Variants in DNAH11 observed in about 807,000 individuals in gnomAD.
DNAH11 encodes axonemal beta dynein heavy chain 11.
DNAH11 carries 442 observed loss-of-function variants against 526.0 expected under a neutral mutation model. The ratio of observed to expected loss-of-function variants is 0.84; its 90% CI spans 0.78 to 0.91. The LOEUF is 0.91. Among genes scored for constraint, DNAH11 ranks in the 40% least tolerant of loss-of-function variants. DNAH11 has a pLI of 0.00. For synonymous variants in DNAH11, 2,461 were observed against 1,935.9 expected (o/e 1.27, Z -7.12); for missense variants, 6,989 against 5,448.7 (o/e 1.28, Z -8.90).
At chr7:21,552,139 C>G (rs529711852) in intron 2 of DNAH11, among the ~76,000 whole-genome samples, 1 of 152,102 alleles carries the variant, frequency 6.6e-6, no homozygotes, top group Non-Finnish European at 1.5e-5. Context: ...CCCCAAGGGC[C>G]GCGCCCTGGT....
intron 66 of DNAH11, among the ~76,000 whole-genome samples, chr7:21,849,897 C>A (rs1782557052): frequency 6.6e-6 from 1 of 151,408 alleles, no homozygotes; most frequent in Non-Finnish European, 1.5e-5. Context: ...TATTTCCAAT[C>A]TTTCTTCTGC....
intron 28 of DNAH11, among the ~76,000 whole-genome samples, chr7:21,654,743 C>T (rs761279941): frequency 1.2e-4 from 18 of 151,994 alleles, no homozygotes; most frequent in South Asian, 2.1e-4. Context: ...TCTTCTGGGC[C>T]GCCCCTGCCC....
chr7:21,863,549 A>T (rs1242247020), intron 69 of DNAH11, among the ~76,000 whole-genome samples: 1 of 152,084 alleles, frequency 6.6e-6, no homozygotes, highest in Non-Finnish European at 1.5e-5. Flanking sequence ...GATGGTCTTG[A>T]TCTCTTGACC....
chr7:21,800,738 G>C (rs150038079), intron 61 of DNAH11, among the ~76,000 whole-genome samples: 2 of 152,186 alleles, frequency 1.3e-5, no homozygotes, highest in African/African-American at 4.8e-5. Context: ...AAAAGAATCC[G>C]TGGGTGGAGA....
chr7:21,819,640 T>G (rs1789967761), intron 65 of DNAH11, among the ~76,000 whole-genome samples: 1 of 152,192 alleles, frequency 6.6e-6, no homozygotes, highest in South Asian at 2.1e-4. Flanking sequence ...ATTTCAACTT[T>G]CAATAGCACA....
intron 25 of DNAH11, among the ~76,000 whole-genome samples, chr7:21,633,830 G>A (rs116066593): frequency 0.026 from 3,939 of 152,242 alleles, 155 homozygotes; most frequent in African/African-American, 0.09. Flanking sequence ...TCAAAAAATG[G>A]CAGTCAGAAA....
intron 22 of DNAH11, among the ~76,000 whole-genome samples, chr7:21,616,632 C>T (rs1455903217): frequency 2.0e-5 from 3 of 152,090 alleles, no homozygotes; most frequent in Non-Finnish European, 2.9e-5. Context: ...CAACCATAAA[C>T]ATTTTGTATC....
Position 21,545,069 on chromosome 7 carries a change from G to A in DNAH11, c.415G>A (p.Val139Ile). 1 of 1,606,026 alleles carries A rather than the reference G, an allele frequency of 6.2e-7. No individual in the cohort carries two copies. Among genetic ancestry groups the A allele is most frequent in the Non-Finnish European group, 8.5e-7 (1 of 1,175,480 alleles). The change falls in exon 2 of 82, where the codon GTA (valine) becomes ATA (isoleucine). Residue 139 changes from valine (V) to isoleucine (I), a missense_variant. Val to Ile is a conservative substitution (Grantham distance 29). Transcript: ENST00000409508. ...ISKKITESIG[V>I]NDFSQVVLFG... Reference sequence around the variant, plus strand: ...CAAGAAGATTACTGAAAGCATTGGAGTAAATGACTTTTCTCAAGTGGTTTT... The same window carrying A: ...CAAGAAGATTACTGAAAGCATTGGAATAAATGACTTTTCTCAAGTGGTTTT...
intron 25 of DNAH11, among the ~76,000 whole-genome samples, chr7:21,630,266 G>A (rs193039054): frequency 2.0e-5 from 3 of 151,608 alleles, no homozygotes; most frequent in Non-Finnish European, 4.4e-5. Context: ...TTTTTATATT[G>A]TCTATCTCTT....
In DNAH11 at chr7:21,854,235, G is replaced by C; in HGVS notation, c.11062-80G>C. ...TAATACTCATAATTTTTCATTTCAG[G>C]TACGTCCTTCCATTCCTTGGATATG... is the stretch of plus-strand genomic sequence containing the variant. On this transcript the variant is annotated intron_variant, in intron 67 of 81. Coordinates refer to ENST00000409508, the MANE Select transcript of DNAH11 (RefSeq NM_001277115.2). 2.0e-6 allele frequency: 3 copies of C among 1,480,264 alleles called. No individual in the cohort carries two copies. The South Asian group carries it at 4.0e-5, about 20-fold the overall frequency. The allele number at this position is 1,480,264 out of a possible 1,614,324, so 91.7% of individuals were successfully genotyped here. A position where few individuals can be genotyped will look rare whatever the true frequency, so the allele number is the denominator to read the frequency against.
intron 9 of DNAH11, among the ~76,000 whole-genome samples, chr7:21,583,155 C>G (rs575043023): frequency 1.3e-5 from 2 of 152,244 alleles, no homozygotes; most frequent in African/African-American, 4.8e-5. Context: ...AAGAACAAAG[C>G]TGGAGGCATC....
chr7:21,826,344 G>C (rs1790298883), intron 65 of DNAH11, among the ~76,000 whole-genome samples: 1 of 151,936 alleles, frequency 6.6e-6, no homozygotes, highest in Admixed American at 6.6e-5. Flanking sequence ...TAGGAGATAT[G>C]GTAAAATAAA....
chr7:21,545,357 T>A (rs1307017212), intron 2 of DNAH11, among the ~76,000 whole-genome samples: 1 of 148,264 alleles, frequency 6.7e-6, no homozygotes, highest in Non-Finnish European at 1.5e-5. Flanking sequence ...AGACTGTTCC[T>A]GAAAGGAGCT....
intron 71 of DNAH11, among the ~76,000 whole-genome samples, chr7:21,866,880 A>G (rs538635681): frequency 6.6e-6 from 1 of 152,222 alleles, no homozygotes; most frequent in African/African-American, 2.4e-5. Flanking sequence ...AAAAAGCTTA[A>G]TTCTGAAATC....
At chr7:21,862,122 C>A in intron 69 of DNAH11, 99 bp downstream of exon 69, 1 of 896,594 alleles carries the variant, frequency 1.1e-6, no homozygotes, top group Non-Finnish European at 1.5e-6. Context: ...ATATAATAGA[C>A]TTTTTTTTTT....
chr7:21,774,533 GGAGA>G (rs1787579810), intron 56 of DNAH11, among the ~76,000 whole-genome samples: 1 of 152,204 alleles, frequency 6.6e-6, no homozygotes, highest in Admixed American at 6.5e-5. Context: ...GAGTAAATCA[GGAGA>G]GAATCATCAC....
intron 30 of DNAH11, among the ~76,000 whole-genome samples, chr7:21,660,805 A>T (rs1426144207): frequency 6.6e-6 from 1 of 152,092 alleles, no homozygotes; most frequent in Non-Finnish European, 1.5e-5. Flanking sequence ...ATAGATACAC[A>T]TTTTAAAAAA....
intron 57 of DNAH11, among the ~76,000 whole-genome samples, chr7:21,783,124 T>C (rs188685608): frequency 1.3e-5 from 2 of 152,302 alleles, no homozygotes; most frequent in Non-Finnish European, 2.9e-5. Context: ...ATAAACTCTT[T>C]TATCTGTAGC....
chr7:21,554,044 A>G (rs1460312044), intron 2 of DNAH11, among the ~76,000 whole-genome samples: 1 of 151,982 alleles, frequency 6.6e-6, no homozygotes, highest in African/African-American at 2.4e-5. Flanking sequence ...ATGCGGAGGA[A>G]GTTTCCTCTT....
Sources: allele counts gnomAD v4.1 joint callset (sites outside exome capture counted in the v4.1 genomes callset), GRCh38; gene constraint gnomAD v4.1.1; transcripts MANE v1.5; gene names NCBI Gene and HGNC (gene_info 2026-07-23, HGNC 2026-07-21).